RANBP2: variants seen among roughly 807,000 people sequenced by gnomAD.
RANBP2 encodes E3 SUMO-protein ligase RanBP2.
Under a neutral mutation model 303.6 loss-of-function variants are expected in RANBP2, and 57 were observed. The observed-to-expected ratio is 0.19, with a 90% CI of 0.15 to 0.23. The LOEUF is 0.23. RANBP2 is among the 10% of genes least tolerant of loss of function. RANBP2 has a pLI of 1.00. For synonymous variants in RANBP2, 1,167 were observed against 1,301.5 expected, an observed-to-expected ratio of 0.90 and a Z score of 2.23; for missense variants, 3,138 against 3,780.8, an observed-to-expected ratio of 0.83 and a Z score of 4.46.
chr2:109,341,854 C>T, the RANBP2 span, among the ~76,000 whole-genome samples: 1 of 152,194 alleles, frequency 6.6e-6, no homozygotes, highest in African/African-American at 2.4e-5. Flanking sequence ...GGGCTGCCTG[C>T]AGGCAAGGCT....
chr2:108,950,541 G>A, the RANBP2 span, among the ~76,000 whole-genome samples: 6 of 152,170 alleles, frequency 3.9e-5, no homozygotes, highest in Non-Finnish European at 7.3e-5. Context: ...TTGTTTATTC[G>A]TTCATATTCT....
the RANBP2 span, chr2:108,798,465 T>C: frequency 1.2e-6 from 2 of 1,613,652 alleles, no homozygotes; most frequent in African/African-American, 1.3e-5. Flanking sequence ...GCTGAAGAAC[T>C]TCAAAAGCGA....
At chr2:109,493,857 C>T in the RANBP2 span, among the ~76,000 whole-genome samples, 5 of 152,250 alleles carry the variant, frequency 3.3e-5, no homozygotes, top group African/African-American at 1.2e-4. Flanking sequence ...AATACAAACA[C>T]ATATTCAGAC....
chr2:108,736,370 T>C (rs1262958001), intron 6 of RANBP2, 121 bp downstream of exon 6: 1 of 1,576,372 alleles, frequency 6.3e-7, no homozygotes, highest in African/African-American at 1.4e-5. Flanking sequence ...GGAGTTATAG[T>C]TAATACAGTG....
At chr2:109,018,945 C>A in the RANBP2 span, among the ~76,000 whole-genome samples, 1 of 152,216 alleles carries the variant, frequency 6.6e-6, no homozygotes, top group East Asian at 1.9e-4. Flanking sequence ...ACGTAGCATG[C>A]CCTCAGTAAA....
the RANBP2 span, among the ~76,000 whole-genome samples, chr2:109,088,713 T>C: frequency 6.6e-6 from 1 of 152,266 alleles, no homozygotes; most frequent in East Asian, 1.9e-4. Context: ...GGTTTCACCA[T>C]GTTGGCCAGG....
At chr2:109,442,374 G>C in the RANBP2 span, among the ~76,000 whole-genome samples, 1 of 150,028 alleles carries the variant, frequency 6.7e-6, no homozygotes, top group South Asian at 2.1e-4. Context: ...TATTTAGAAA[G>C]AAGGCAGATG....
the RANBP2 span, among the ~76,000 whole-genome samples, chr2:109,201,748 C>T: frequency 3.3e-5 from 5 of 152,136 alleles, no homozygotes; most frequent in Non-Finnish European, 5.9e-5. Context: ...CACAGCCAAG[C>T]GGTGAAAGGA....
chr2:109,543,406 C>T, the RANBP2 span: 8 of 151,990 alleles, frequency 5.3e-5, no homozygotes, highest in Non-Finnish European at 1.0e-4. Context: ...CACAGTAATA[C>T]GTCAGCCATA....
the RANBP2 span, among the ~76,000 whole-genome samples, chr2:109,437,881 A>G: frequency 6.6e-6 from 1 of 152,308 alleles, no homozygotes; most frequent in Admixed American, 6.5e-5. Flanking sequence ...CTGGGAGCCC[A>G]TGCCACGGCG....
chr2:109,386,406 AC>A, the RANBP2 span, among the ~76,000 whole-genome samples: 9 of 152,126 alleles, frequency 5.9e-5, no homozygotes, highest in Non-Finnish European at 1.0e-4. Context: ...TATGACTGTT[AC>A]AAGAAGTTTA....
At chr2:109,300,648 A>G in the RANBP2 span, among the ~76,000 whole-genome samples, 1 of 152,174 alleles carries the variant, frequency 6.6e-6, no homozygotes, top group Admixed American at 6.5e-5. Context: ...CTCGTCCTCC[A>G]TCCATCTTCC....
At chr2:109,604,152 ACT>A in the RANBP2 span, among the ~76,000 whole-genome samples, 1 of 128,096 alleles carries the variant, frequency 7.8e-6, no homozygotes, top group Non-Finnish European at 1.6e-5. Flanking sequence ...ACAGAGCGAG[ACT>A]CTGCCTCAAA....
chr2:109,331,378 C>T, the RANBP2 span, among the ~76,000 whole-genome samples: 4 of 152,110 alleles, frequency 2.6e-5, no homozygotes, highest in Non-Finnish European at 5.9e-5. Context: ...TTCTCTCTCT[C>T]CCCTTGTTTT....
chr2:109,513,145 C>A, the RANBP2 span, among the ~76,000 whole-genome samples: 1 of 152,276 alleles, frequency 6.6e-6, no homozygotes, highest in Admixed American at 6.5e-5. Context: ...AATGCCCCGA[C>A]CTTCCACTCC....
the RANBP2 span, among the ~76,000 whole-genome samples, chr2:109,687,193 C>T: frequency 3.3e-5 from 5 of 152,158 alleles, no homozygotes; most frequent in African/African-American, 1.2e-4. Flanking sequence ...GCCTTGCCCG[C>T]CACTTGTAGG....
the RANBP2 span, among the ~76,000 whole-genome samples, chr2:109,209,357 A>T: frequency 6.6e-6 from 1 of 152,120 alleles, no homozygotes; most frequent in Admixed American, 6.6e-5. Context: ...AACGTTTAAC[A>T]GTTGGCTTCC....
the RANBP2 span, among the ~76,000 whole-genome samples, chr2:109,322,486 AGG>A: frequency 1.3e-5 from 2 of 152,234 alleles, no homozygotes; most frequent in Admixed American, 6.5e-5. Context: ...GTCCATCTTA[AGG>A]AAGCTGAAAT....
Position 108,753,389 on chromosome 2 carries a change from A to G in RANBP2, c.1918-37A>G, listed in dbSNP as rs749317134. On this transcript the variant is annotated intron_variant, in intron 13 of 28. Coordinates refer to ENST00000283195, the MANE Select transcript of RANBP2 (RefSeq NM_006267.5). The stretch of plus-strand genomic sequence containing the variant: ...ATCATTTGGGTTTTATATTCTGAGT[A>G]TAAACAATTTGACTAAAAACTATTC... 7 of 1,610,566 alleles carry G rather than the reference A, an allele frequency of 4.3e-6. No homozygotes were observed. The East Asian group carries it at 8.9e-5, about 21-fold the overall frequency.
Sources: allele counts gnomAD v4.1 joint callset (sites outside exome capture counted in the v4.1 genomes callset), GRCh38; gene constraint gnomAD v4.1.1; transcripts MANE v1.5; gene names NCBI Gene and HGNC (gene_info 2026-07-23, HGNC 2026-07-21).